Variants in TEAD1 observed in about 807,000 individuals in gnomAD.
The protein encoded by TEAD1 is TEA domain transcription factor 1.
Under a neutral mutation model 54.9 loss-of-function variants are expected in TEAD1, and 9 were observed. The observed-to-expected ratio is 0.16, with a 90% CI of 0.10 to 0.29. The LOEUF is 0.29. Ranked by LOEUF, TEAD1 falls within the 10% of genes least tolerant of loss-of-function variation. The pLI, the probability that TEAD1 is intolerant of heterozygous loss-of-function variation, is 1.00. For synonymous variants in TEAD1, 200 were observed against 187.8 expected (o/e 1.07, Z -0.53); for missense variants, 387 against 535.9 (o/e 0.72, Z 2.74).
chr11:12,782,167 A>G (rs1316640458), intron 3 of TEAD1, among the ~76,000 whole-genome samples: 1 of 152,092 alleles, frequency 6.6e-6, no homozygotes, highest in Non-Finnish European at 1.5e-5. Flanking sequence ...TATTTATAGC[A>G]GCATTATTTC....
chr11:12,852,095 A>C (rs889355204), intron 3 of TEAD1, among the ~76,000 whole-genome samples: 4 of 152,310 alleles, frequency 2.6e-5, no homozygotes, highest in African/African-American at 9.6e-5. Flanking sequence ...AGAGAAGAGA[A>C]AGAACATGTA....
At chr11:12,812,594 C>T (rs1293306090) in intron 3 of TEAD1, among the ~76,000 whole-genome samples, 1 of 152,170 alleles carries the variant, frequency 6.6e-6, no homozygotes, top group African/African-American at 2.4e-5. Context: ...CAGAATATTA[C>T]TGGTATTCAT....
chr11:12,767,644 G>A (rs1220965183), intron 3 of TEAD1, among the ~76,000 whole-genome samples: 1 of 152,174 alleles, frequency 6.6e-6, no homozygotes, highest in Non-Finnish European at 1.5e-5. Context: ...GGCTTCATTC[G>A]CTTTCTGCTA....
At chr11:12,929,862 C>T (rs1005792694) in intron 11 of TEAD1, among the ~76,000 whole-genome samples, 2 of 152,108 alleles carry the variant, frequency 1.3e-5, no homozygotes, top group Non-Finnish European at 2.9e-5. Context: ...TTACAGATCT[C>T]CTCCAGGTAA....
intron 3 of TEAD1, among the ~76,000 whole-genome samples, chr11:12,839,030 G>A (rs1215572702): frequency 6.6e-6 from 1 of 152,054 alleles, no homozygotes; most frequent in Admixed American, 6.5e-5. Flanking sequence ...ACAGAACTCT[G>A]AGCATTGTTT....
At chr11:12,904,989 A>C (rs2099121618) in intron 10 of TEAD1, 1 of 168,986 alleles carries the variant, frequency 5.9e-6, no homozygotes, top group Non-Finnish European at 1.3e-5. Flanking sequence ...CTGTGATCAA[A>C]AAGTTTGAGA....
At chr11:12,785,124 C>G (rs115370028) in intron 3 of TEAD1, among the ~76,000 whole-genome samples, 40 of 152,084 alleles carry the variant, frequency 2.6e-4, no homozygotes, top group Non-Finnish European at 5.7e-4. Context: ...AGCCAGGGCC[C>G]GGGCTCCTGG....
intron 11 of TEAD1, among the ~76,000 whole-genome samples, chr11:12,927,876 C>T (rs1227309244): frequency 2.0e-5 from 3 of 152,050 alleles, no homozygotes; most frequent in Non-Finnish European, 4.4e-5. Context: ...TCATACTTAA[C>T]TTTAGTTTTT....
rs1250737649 is a variant in TEAD1, at chr11:12,862,240, T to C, written c.203-10T>C. 2 of 1,613,510 alleles carry C rather than the reference T, an allele frequency of 1.2e-6. No homozygotes were observed. Among genetic ancestry groups the C allele is most frequent in the Admixed American group, 1.7e-5 (1 of 60,022 alleles). On this transcript the variant is annotated splice_polypyrimidine_tract_variant and intron_variant, in intron 3 of 12. Transcript: ENST00000527636. ...TAACCCACCTCATGGTAAATTCTTC[T>C]TTCTTTCAGGTAGGAATGAATTGAT...
At chr11:12,867,664 AAT>A (rs1477232662) in intron 5 of TEAD1, among the ~76,000 whole-genome samples, 1 of 152,130 alleles carries the variant, frequency 6.6e-6, no homozygotes, top group African/African-American at 2.4e-5. Context: ...TCTGGAATCT[AAT>A]AGCACATTTG....
At chr11:12,732,145 A>G (rs1378308810) in intron 2 of TEAD1, among the ~76,000 whole-genome samples, 1 of 152,056 alleles carries the variant, frequency 6.6e-6, no homozygotes, top group Non-Finnish European at 1.5e-5. Context: ...GACCTTATTA[A>G]AGTCAGCTGG....
chr11:12,861,854 C>T (rs754114764), intron 3 of TEAD1, among the ~76,000 whole-genome samples: 7 of 152,146 alleles, frequency 4.6e-5, no homozygotes, highest in Admixed American at 6.5e-5. Flanking sequence ...GGCGTGATGG[C>T]GCACGCCTGT....
intron 3 of TEAD1, among the ~76,000 whole-genome samples, chr11:12,781,951 CAAA>C (rs71454001): frequency 1.5e-5 from 1 of 65,422 alleles, no homozygotes; most frequent in Non-Finnish European, 2.6e-5. Flanking sequence ...CTCGTCTGTA[CAAA>C]AAAAAAAAAA....
intron 2 of TEAD1, among the ~76,000 whole-genome samples, chr11:12,691,110 G>T (rs1943448894): frequency 6.6e-6 from 1 of 152,218 alleles, no homozygotes; most frequent in African/African-American, 2.4e-5. Context: ...CTAGCATATA[G>T]TTTGTAAAGG....
intron 3 of TEAD1, among the ~76,000 whole-genome samples, chr11:12,784,675 G>A (rs549388896): frequency 6.6e-6 from 1 of 152,288 alleles, no homozygotes; most frequent in African/African-American, 2.4e-5. Context: ...CAAGTTCCAG[G>A]GGTGCTGATG....
At chr11:12,869,097 G>T (rs1467929513) in intron 5 of TEAD1, among the ~76,000 whole-genome samples, 1 of 152,134 alleles carries the variant, frequency 6.6e-6, no homozygotes, top group Non-Finnish European at 1.5e-5. Context: ...AAGACTGGAG[G>T]AGCCTAAGGG....
Position 12,881,927 on chromosome 11 carries a change from A to G in TEAD1, c.544A>G (p.Ile182Val). ...GCCTTTTGTGCAGCAGGCCTACCCC[A>G]TCCAGCCAGCGGTCACAGCCCCCAT... Residue 182 changes from isoleucine to valine, a missense_variant, in exon 8 of 13, where the codon ATC (isoleucine) becomes GTC (valine). By Grantham distance (29) the Ile-to-Val change is conservative (BLOSUM62 3). Around this residue, in one of 5 missense-constraint regions of TEAD1, gnomAD observed 180 missense variants for 180.6 expected, o/e 1.00. Transcript: ENST00000527636. The G allele has an allele frequency of 3.1e-6, 5 of 1,614,160 alleles. No individual in the cohort carries two copies. The highest frequency in any genetic ancestry group is 4.2e-6 in the Non-Finnish European group (5 of 1,180,010).
intron 10 of TEAD1, among the ~76,000 whole-genome samples, chr11:12,913,666 A>C (rs186296349): frequency 1.3e-5 from 2 of 152,222 alleles, no homozygotes; most frequent in African/African-American, 4.8e-5. Flanking sequence ...TTGCATTTCA[A>C]ATAAACAGTG....
chr11:12,743,939 C>T (rs1032673070), intron 2 of TEAD1, among the ~76,000 whole-genome samples: 2 of 152,150 alleles, frequency 1.3e-5, no homozygotes, highest in Non-Finnish European at 2.9e-5. Context: ...ACTCTTTACA[C>T]GCTGTTATGG....
Sources: gnomAD v4.1 joint callset for allele counts (sites outside exome capture counted in the v4.1 genomes callset) on GRCh38, gnomAD v4.1.1 for gene constraint, gnomAD v4.1.1 regional missense constraint, MANE v1.5 for transcripts, NCBI Gene and HGNC (gene_info 2026-07-23, HGNC 2026-07-21) for gene names.